ATR: variants seen among roughly 807,000 people sequenced by gnomAD.
ATR encodes ATR checkpoint kinase, also known as serine/threonine-protein kinase ATR.
Under a neutral mutation model 305.3 loss-of-function variants are expected in ATR, and 142 were observed. The observed-to-expected ratio is 0.47, with a 90% CI of 0.41 to 0.53. The LOEUF (loss-of-function observed/expected upper bound fraction) is 0.53, where lower values mean the gene tolerates loss of function less well. Ranked by LOEUF, ATR falls within the 20% of genes least tolerant of loss-of-function variation. ATR has a pLI of 0.00. For synonymous variants in ATR, 1,050 were observed against 1,068.1 expected, an observed-to-expected ratio of 0.98 and a Z score of 0.33; for missense variants, 2,135 against 3,133.1, an observed-to-expected ratio of 0.68 and a Z score of 7.60.
chr3:142,515,534 GT>G lies in ATR; in HGVS notation c.4383-20del. 6.2e-7 allele frequency: 1 copy of G among 1,600,722 alleles called. No homozygotes were observed. The highest frequency in any genetic ancestry group is 8.6e-7 in the Non-Finnish European group (1 of 1,169,038). On this transcript the variant is annotated intron_variant, in intron 24 of 46. Transcript: ENST00000350721. ...CTTGTATCTGTAATTTTGAAAATTTGTTTATTAAAAAGATAAATCCACCTGT... is the reference window on the plus strand; with the variant it reads ...CTTGTATCTGTAATTTTGAAAATTTGTTATTAAAAAGATAAATCCACCTGT...
chr3:142,531,756 T>C (rs2033657431), intron 21 of ATR, among the ~76,000 whole-genome samples: 1 of 152,248 alleles, frequency 6.6e-6, no homozygotes. Context: ...TTTATAATCC[T>C]TTGGGTATAT....
At chr3:142,467,281 A>G (rs2071153332) in intron 39 of ATR, among the ~76,000 whole-genome samples, 2 of 151,992 alleles carry the variant, frequency 1.3e-5, no homozygotes, top group South Asian at 2.1e-4. Context: ...TTTTTCTCTA[A>G]TACTTAGGTA....
chr3:142,498,623 G>A lies in ATR; in HGVS notation c.5532C>T (p.Tyr1844=), dbSNP rs1400008590. 20 of 1,613,720 alleles carry A rather than the reference G, an allele frequency of 1.2e-5. No individual in the cohort carries two copies. The highest frequency in any genetic ancestry group is 1.6e-5 in the Non-Finnish European group (19 of 1,179,978). ...TCACAATATATTCATATCCTCGTTG[G>A]TAGGAGCCTCTTTCAAAGCTTGCAG... ...LSAASFERGS[Y]QRGYEYIVRL... Residue 1844 remains tyrosine, a synonymous_variant, in exon 32 of 47, where the codon TAC becomes TAT. Transcript: ENST00000350721.
intron 1 of ATR, among the ~76,000 whole-genome samples, chr3:142,572,156 G>C (rs1217584990): frequency 6.7e-6 from 1 of 149,518 alleles, no homozygotes; most frequent in African/African-American, 2.5e-5. Flanking sequence ...TGCAACCTCC[G>C]CCTCGCAGCT....
chr3:142,566,339 C>A (rs2108494973), intron 2 of ATR, 78 bp from the exon 3 acceptor site: 1 of 1,520,230 alleles, frequency 6.6e-7, no homozygotes, highest in Non-Finnish European at 9.0e-7. Flanking sequence ...AGACTGTGGG[C>A]CAGGCAAGGT....
At chr3:142,485,359 A>T in intron 35 of ATR, 77 bp from the exon 36 acceptor site, 1 of 1,527,082 alleles carries the variant, frequency 6.5e-7, no homozygotes, top group Non-Finnish European at 8.9e-7. Flanking sequence ...ATAGATGATT[A>T]GGGATCAAAA....
At chr3:142,565,040 C>T (rs189830489) in intron 3 of ATR, among the ~76,000 whole-genome samples, 1 of 152,178 alleles carries the variant, frequency 6.6e-6, no homozygotes, top group East Asian at 1.9e-4. Flanking sequence ...AGACATCGTG[C>T]CCAGCCTATG....
chr3:142,515,357 A>C (rs762025560), intron 25 of ATR, 38 bp downstream of exon 25: 1 of 1,611,626 alleles, frequency 6.2e-7, no homozygotes, highest in Admixed American at 1.7e-5. Flanking sequence ...TTCCTTTAGA[A>C]TTTCCATTCA....
At chr3:142,575,598 C>T (rs1577726332) in intron 1 of ATR, among the ~76,000 whole-genome samples, 2 of 152,194 alleles carry the variant, frequency 1.3e-5, no homozygotes, top group South Asian at 2.1e-4. Flanking sequence ...TGCTGCTCCT[C>T]AGAACCTCCT....
Position 142,466,502 on chromosome 3 carries a change from C to T in ATR, c.6719G>A (p.Ser2240Asn), listed in dbSNP as rs765461897. The change falls in exon 40 of 47, where the codon AGC becomes AAC. Residue 2240 changes from serine (S) to asparagine (N), a missense_variant. Physicochemically the swap from Ser to Asn is conservative, Grantham distance 46. Coordinates refer to ENST00000350721, the MANE Select transcript of ATR (RefSeq NM_001184.4). ...VDGSSSTLSM[S>N]THFKMLKKLV... ...CTTTTTAAGCATTTTAAAATGAGTG[C>T]TCATGCTTAATGTGGAACTACTTCC... 8 of 1,613,558 alleles carry T rather than the reference C, an allele frequency of 5.0e-6. No homozygotes were observed. In the South Asian group the frequency reaches 5.5e-5, roughly 11 times the overall value.
intron 8 of ATR, among the ~76,000 whole-genome samples, chr3:142,557,504 A>C (rs892706261): frequency 6.6e-6 from 1 of 152,160 alleles, no homozygotes; most frequent in Non-Finnish European, 1.5e-5. Context: ...AGCTGTAAGA[A>C]GCAAAACAAT....
chr3:142,475,474 C>T (rs1485626516), intron 36 of ATR, among the ~76,000 whole-genome samples: 4 of 152,290 alleles, frequency 2.6e-5, no homozygotes, highest in African/African-American at 9.6e-5. Context: ...ATATGTGCCA[C>T]ATTTTCTTAA....
At chr3:142,533,979 A>T (rs2108421477) in intron 21 of ATR, among the ~76,000 whole-genome samples, 1 of 152,280 alleles carries the variant, frequency 6.6e-6, no homozygotes, top group Admixed American at 6.5e-5. Flanking sequence ...AGTTATTTAT[A>T]TCTAGGAAGT....
At chr3:142,515,054 C>A (rs944409349) in intron 25 of ATR, among the ~76,000 whole-genome samples, 1 of 151,734 alleles carries the variant, frequency 6.6e-6, no homozygotes, top group African/African-American at 2.4e-5. Flanking sequence ...TATAATATAT[C>A]TCTTTATTGA....
intron 45 of ATR, among the ~76,000 whole-genome samples, chr3:142,457,283 G>C (rs1420198823): frequency 6.6e-6 from 1 of 152,052 alleles, no homozygotes; most frequent in Non-Finnish European, 1.5e-5. Flanking sequence ...GTGGTTACAA[G>C]TAGATAGCAG....
intron 5 of ATR, among the ~76,000 whole-genome samples, chr3:142,560,850 G>C (rs377382138): frequency 3.3e-5 from 5 of 152,118 alleles, no homozygotes; most frequent in African/African-American, 1.2e-4. Flanking sequence ...GTGAGCCACC[G>C]CGCCCAGCCT....
intron 27 of ATR, among the ~76,000 whole-genome samples, chr3:142,509,489 A>G (rs1440217683): frequency 6.8e-6 from 1 of 148,016 alleles, no homozygotes; most frequent in African/African-American, 2.5e-5. Context: ...TAAACAGATT[A>G]TATTTAAAAT....
At chr3:142,498,822 A>C in intron 31 of ATR, 48 bp from the exon 32 acceptor site, 1 of 1,566,196 alleles carries the variant, frequency 6.4e-7, no homozygotes, top group Non-Finnish European at 8.8e-7. Flanking sequence ...GCTGGGTCCA[A>C]GAGTCAGCTT....
chr3:142,453,735 T>A (rs2070840932), intron 45 of ATR, among the ~76,000 whole-genome samples: 1 of 152,196 alleles, frequency 6.6e-6, no homozygotes, highest in African/African-American at 2.4e-5. Context: ...CTATTTCTCC[T>A]GTATTCCCCA....
Sources: allele counts gnomAD v4.1 joint callset (sites outside exome capture counted in the v4.1 genomes callset), GRCh38; gene constraint gnomAD v4.1.1; transcripts MANE v1.5; gene names NCBI Gene and HGNC (gene_info 2026-07-23, HGNC 2026-07-21).